LRRK2: variants seen among roughly 807,000 people sequenced by gnomAD.
LRRK2 encodes leucine rich repeat kinase 2, also known as leucine-rich repeat serine/threonine-protein kinase 2.
A neutral mutation model predicts 302.6 loss-of-function variants in LRRK2; 203 were observed. The observed-to-expected ratio is 0.67, with a 90% confidence interval of 0.60 to 0.75. LRRK2 has a LOEUF of 0.75. Ranked by LOEUF, LRRK2 falls within the 30% of genes least tolerant of loss-of-function variation. The probability of loss-of-function intolerance (pLI) is 0.00; values close to 1 mark genes in which losing one functional copy is unlikely to be tolerated. For missense variants in LRRK2, 2,830 were observed against 2,951.0 expected (o/e 0.96, Z 0.95); for synonymous variants, 1,066 against 1,031.9 (o/e 1.03, Z -0.63).
intron 49 of LRRK2, chr12:40,365,411 A>G: frequency 5.3e-6 from 1 of 186,934 alleles, no homozygotes; most frequent in South Asian, 1.1e-4. Context: ...CTAGCCTCCC[A>G]GCTTGTTAAA....
rs372875244 is a variant in LRRK2 at position 40,278,092 on chromosome 12, T to C, written c.2072T>C (p.Phe691Ser). 1.3e-5 allele frequency: 21 copies of C among 1,613,924 alleles called. No homozygotes were observed. Among genetic ancestry groups the C allele is most frequent in the Non-Finnish European group, 1.8e-5 (21 of 1,179,990 alleles). ...AATTCTCATTTCCACTCTTTTTAGT[T>C]TCTAAACCTCTGTTGCAAGTGTTTT... The part of the protein sequence containing the change: ...SNIMEQKDQQ[F>S]LNLCCKCFAK... The change falls in exon 18 of 51, where the codon TTT becomes TCT. Residue 691 changes from phenylalanine (F) to serine (S), a missense_variant and splice_region_variant. Transcript: ENST00000298910.
At chr12:40,348,979 A>T (rs1025822553) in intron 43 of LRRK2, among the ~76,000 whole-genome samples, 2 of 152,012 alleles carry the variant, frequency 1.3e-5, no homozygotes, top group South Asian at 4.1e-4. Flanking sequence ...GGTTATTCCT[A>T]TTTGGTCCTG....
chr12:40,269,929 C>G (rs1436260518), intron 14 of LRRK2, among the ~76,000 whole-genome samples: 3 of 152,042 alleles, frequency 2.0e-5, no homozygotes, highest in Admixed American at 2.0e-4. Flanking sequence ...ATAAAATTTT[C>G]TAATAGCTAA....
intron 7 of LRRK2, among the ~76,000 whole-genome samples, chr12:40,247,182 TC>T (rs1565677177): frequency 6.6e-6 from 1 of 152,120 alleles, no homozygotes; most frequent in Non-Finnish European, 1.5e-5. Context: ...CATGATTATA[TC>T]CCCTGTGTAA....
intron 14 of LRRK2, among the ~76,000 whole-genome samples, chr12:40,269,913 A>G (rs1565697549): frequency 6.6e-6 from 1 of 152,104 alleles, no homozygotes; most frequent in Non-Finnish European, 1.5e-5. Context: ...TTATAGCTTT[A>G]GCTATATAAA....
chr12:40,338,258 C>A (rs979550374), intron 40 of LRRK2, among the ~76,000 whole-genome samples: 2 of 152,108 alleles, frequency 1.3e-5, no homozygotes, highest in Admixed American at 6.5e-5. Context: ...GATTGTGACA[C>A]CCTCAAGGGA....
intron 13 of LRRK2, among the ~76,000 whole-genome samples, chr12:40,260,108 T>C (rs920640338): frequency 1.3e-5 from 2 of 152,116 alleles, no homozygotes; most frequent in African/African-American, 4.8e-5. Context: ...ATCACCTTAT[T>C]TGTTCTCCAA....
At chr12:40,348,383 T>G in intron 42 of LRRK2, 26 bp from the exon 43 acceptor site, 2 of 1,468,870 alleles carry the variant, frequency 1.4e-6, no homozygotes, top group South Asian at 2.3e-5. Context: ...TTTAGTATGC[T>G]AGCATGATGT....
intron 45 of LRRK2, among the ~76,000 whole-genome samples, chr12:40,354,724 C>T (rs147360078): frequency 2.6e-4 from 40 of 152,140 alleles, no homozygotes; most frequent in African/African-American, 9.2e-4. Context: ...GCCTACCAGC[C>T]CTGCTCCTGG....
In LRRK2 at chr12:40,287,972, C is replaced by T. The variant is rs1372569890; in HGVS notation, c.2689+433C>T. ...AGCGCTTAATAAAAAAGGTTTTTAT[C>T]TTTACTATAGCTTAAAACAATATTA... On this transcript the variant is annotated intron_variant, in intron 20 of 50. Coordinates refer to ENST00000298910, the MANE Select transcript of LRRK2 (RefSeq NM_198578.4). Among the ~76,000 whole-genome samples, 10 of 151,922 alleles carry T rather than the reference C, an allele frequency of 6.6e-5. No homozygotes were observed. In the East Asian group the frequency reaches 1.7e-3, roughly 26 times the overall value.
chr12:40,311,744 C>A lies in LRRK2; in HGVS notation c.4536+1095C>A, dbSNP rs988653971. On this transcript the variant is annotated intron_variant, in intron 31 of 50. Coordinates refer to ENST00000298910, the MANE Select transcript of LRRK2 (RefSeq NM_198578.4). Reference sequence around the variant, plus strand: ...TGTAAAAGTGATGGCTTTTGCGGTGCCCAGGGAGAGAATTTGTATGTTTGT... The same window carrying A: ...TGTAAAAGTGATGGCTTTTGCGGTGACCAGGGAGAGAATTTGTATGTTTGT... Among the ~76,000 whole-genome samples, 8 of 152,184 alleles carry A rather than the reference C, an allele frequency of 5.3e-5. No individual in the cohort carries two copies. In the East Asian group the frequency reaches 1.5e-3, roughly 29 times the overall value.
chr12:40,332,808 C>A lies in LRRK2; in HGVS notation c.5758-2159C>A, dbSNP rs569261891. 4.0e-5 allele frequency among the ~76,000 whole-genome samples: 6 copies of A among 151,836 alleles called. No homozygotes were observed. The South Asian group carries it at 1.0e-3, about 26-fold the overall frequency. The stretch of plus-strand genomic sequence containing the variant: ...TTGGCCTTGCTGTCAGCATGCATTT[C>A]AAATTTTACACCATGTGTTTGGGGA... On this transcript the variant is annotated intron_variant, in intron 39 of 50. Transcript: ENST00000298910.
At chr12:40,291,976 A>G (rs1048441812) in intron 20 of LRRK2, among the ~76,000 whole-genome samples, 1 of 152,090 alleles carries the variant, frequency 6.6e-6, no homozygotes, top group Non-Finnish European at 1.5e-5. Flanking sequence ...CTAAGTTTGC[A>G]GTTAGTATCA....
At chr12:40,348,716 C>T (rs1946267333) in intron 43 of LRRK2, among the ~76,000 whole-genome samples, 1 of 152,132 alleles carries the variant, frequency 6.6e-6, no homozygotes. Flanking sequence ...ATATGCCTGT[C>T]TCCTCTTCTC....
At chr12:40,291,336 A>G (rs1944146321) in intron 20 of LRRK2, among the ~76,000 whole-genome samples, 1 of 151,800 alleles carries the variant, frequency 6.6e-6, no homozygotes, top group Non-Finnish European at 1.5e-5. Flanking sequence ...GTAAATGAGG[A>G]GTTAATGGGT....
chr12:40,243,410 T>A, intron 6 of LRRK2, 140 bp from the exon 7 acceptor site: 1 of 889,070 alleles, frequency 1.1e-6, no homozygotes, highest in Non-Finnish European at 1.8e-6. Context: ...TTACAGCTAC[T>A]TAAAGAACAT....
At chr12:40,241,322 TTG>T (rs1303961128) in intron 6 of LRRK2, among the ~76,000 whole-genome samples, 2 of 152,198 alleles carry the variant, frequency 1.3e-5, no homozygotes, top group Admixed American at 1.3e-4. Flanking sequence ...TTGAATTTTA[TTG>T]TGACTCTTGA....
intron 7 of LRRK2, 26 bp downstream of exon 7, chr12:40,243,707 C>T: frequency 6.2e-7 from 1 of 1,601,556 alleles, no homozygotes; most frequent in Non-Finnish European, 8.5e-7. Flanking sequence ...AATATGTCAT[C>T]ACACACTGTA....
At chr12:40,275,616 T>G (rs1000753540) in intron 16 of LRRK2, among the ~76,000 whole-genome samples, 2 of 151,818 alleles carry the variant, frequency 1.3e-5, no homozygotes, top group Non-Finnish European at 2.9e-5. Flanking sequence ...AAAGGAATTT[T>G]TTTTTTTTTT....
Sources: allele counts gnomAD v4.1 joint callset (sites outside exome capture counted in the v4.1 genomes callset), GRCh38; gene constraint gnomAD v4.1.1; transcripts MANE v1.5; gene names NCBI Gene and HGNC (gene_info 2026-07-23, HGNC 2026-07-21).